Variants in RPS6KC1 observed in about 807,000 individuals in gnomAD.
RPS6KC1 encodes the protein ribosomal protein S6 kinase C1.
A neutral mutation model predicts 103.8 loss-of-function variants in RPS6KC1; 54 were observed. The observed-to-expected ratio is 0.52, with a 90% confidence interval of 0.42 to 0.65. The LOEUF is 0.65. Ranked by LOEUF, RPS6KC1 falls within the 30% of genes least tolerant of loss-of-function variation. The pLI, the probability that RPS6KC1 is intolerant of heterozygous loss-of-function variation, is 0.00. For missense variants in RPS6KC1, 1,151 were observed against 1,253.8 expected (o/e 0.92, Z 1.24); for synonymous variants, 439 against 438.7 (o/e 1.00, Z -0.01).
the RPS6KC1 span, among the ~76,000 whole-genome samples, chr1:213,569,893 G>A: frequency 6.6e-6 from 1 of 152,180 alleles, no homozygotes; most frequent in Non-Finnish European, 1.5e-5. Context: ...CTGCCTCAAG[G>A]AGATCAAAGA....
chr1:213,167,491 A>ACAC (rs1558462702), intron 6 of RPS6KC1, among the ~76,000 whole-genome samples: 14 of 70,612 alleles, frequency 2.0e-4, no homozygotes, highest in South Asian at 6.0e-4. Context: ...CACACACACA[A>ACAC]CAGCTGTTGC....
chr1:213,167,439 A>AACACACACAC (rs199762137), intron 6 of RPS6KC1, among the ~76,000 whole-genome samples: 808 of 75,952 alleles, frequency 0.011, 17 homozygotes, highest in Admixed American at 0.022. Context: ...CAAGGTTGAA[A>AACACACACAC]ACACACACAC....
At chr1:213,595,797 A>G in the RPS6KC1 span, among the ~76,000 whole-genome samples, 489 of 152,318 alleles carry the variant, frequency 3.2e-3, 6 homozygotes, top group South Asian at 0.017. Flanking sequence ...GCTAATTTTG[A>G]TCTACCAAAA....
At chr1:213,292,454 G>T in the RPS6KC1 span, among the ~76,000 whole-genome samples, 1 of 152,080 alleles carries the variant, frequency 6.6e-6, no homozygotes, top group African/African-American at 2.4e-5. Context: ...TCATCACTAA[G>T]AAAATCCAGT....
chr1:213,711,782 T>G, the RPS6KC1 span, among the ~76,000 whole-genome samples: 1 of 152,200 alleles, frequency 6.6e-6, no homozygotes, highest in African/African-American at 2.4e-5. Context: ...CTTCTGCAGG[T>G]CTGCTGGTGT....
the RPS6KC1 span, among the ~76,000 whole-genome samples, chr1:213,725,790 T>C: frequency 6.6e-6 from 1 of 152,236 alleles, no homozygotes; most frequent in Non-Finnish European, 1.5e-5. Context: ...CTGTAGTTCA[T>C]ATCCTTTGTT....
the RPS6KC1 span, among the ~76,000 whole-genome samples, chr1:213,459,833 A>C: frequency 6.6e-6 from 1 of 152,108 alleles, no homozygotes; most frequent in Non-Finnish European, 1.5e-5. Flanking sequence ...TTCTGCCTTC[A>C]TTTTGTGATT....
chr1:213,712,101 A>G, the RPS6KC1 span, among the ~76,000 whole-genome samples: 1 of 152,238 alleles, frequency 6.6e-6, no homozygotes, highest in African/African-American at 2.4e-5. Flanking sequence ...ACGTGTACTG[A>G]AACTGCGCCC....
intron 6 of RPS6KC1, among the ~76,000 whole-genome samples, chr1:213,138,753 C>T (rs1414602619): frequency 6.6e-6 from 1 of 152,088 alleles, no homozygotes; most frequent in Non-Finnish European, 1.5e-5. Flanking sequence ...TTATCCAGTT[C>T]ACCGTTGATG....
the RPS6KC1 span, among the ~76,000 whole-genome samples, chr1:213,676,623 G>T: frequency 2.0e-5 from 3 of 152,166 alleles, no homozygotes; most frequent in Non-Finnish European, 4.4e-5. Context: ...ATTGCACCAA[G>T]TTACCTCTTC....
chr1:213,371,455 C>T, the RPS6KC1 span, among the ~76,000 whole-genome samples: 1 of 152,086 alleles, frequency 6.6e-6, no homozygotes, highest in Non-Finnish European at 1.5e-5. Context: ...TGGGTGTATA[C>T]CCAAAAGTGG....
At chr1:213,823,726 C>CCACACACACACACACACACACACACA in the RPS6KC1 span, among the ~76,000 whole-genome samples, 654 of 146,358 alleles carry the variant, frequency 4.5e-3, 1 homozygote, top group Non-Finnish European at 7.6e-3. Context: ...GCTATCACAG[C>CCACACACACACACACACACACACACA]CACACACACA....
chr1:213,591,232 A>G, the RPS6KC1 span, among the ~76,000 whole-genome samples: 1 of 152,046 alleles, frequency 6.6e-6, no homozygotes, highest in South Asian at 2.1e-4. Flanking sequence ...CTCTGCCCCT[A>G]CTCTGCAACA....
At chr1:213,759,862 C>T in the RPS6KC1 span, among the ~76,000 whole-genome samples, 4 of 152,236 alleles carry the variant, frequency 2.6e-5, no homozygotes, top group African/African-American at 9.6e-5. Context: ...AGCAAGCCCC[C>T]TCCTTCTCCC....
the RPS6KC1 span, among the ~76,000 whole-genome samples, chr1:213,491,932 T>A: frequency 6.6e-6 from 1 of 152,130 alleles, no homozygotes; most frequent in Admixed American, 6.5e-5. Flanking sequence ...AAACACTATA[T>A]ATAAACTGCA....
chr1:213,151,819 C>T (rs1281115746), intron 6 of RPS6KC1, among the ~76,000 whole-genome samples: 35 of 124,066 alleles, frequency 2.8e-4, no homozygotes, highest in Admixed American at 3.8e-4. Flanking sequence ...GGCAGCTGGC[C>T]GGGCGAGGGG....
the RPS6KC1 span, among the ~76,000 whole-genome samples, chr1:213,510,469 A>C: frequency 6.6e-6 from 1 of 152,180 alleles, no homozygotes; most frequent in African/African-American, 2.4e-5. Context: ...CCCTAACTTC[A>C]TATTGTGAAA....
At chr1:213,609,988 GT>G in the RPS6KC1 span, among the ~76,000 whole-genome samples, 1 of 152,068 alleles carries the variant, frequency 6.6e-6, no homozygotes, top group East Asian at 1.9e-4. Context: ...ATATTTCTAA[GT>G]TGAGGAATAT....
At chr1:213,392,628 T>G in the RPS6KC1 span, among the ~76,000 whole-genome samples, 4 of 152,198 alleles carry the variant, frequency 2.6e-5, no homozygotes, top group African/African-American at 9.7e-5. Context: ...TTATGCATCT[T>G]TGTATTTATT....
Sources: allele counts gnomAD v4.1 joint callset (sites outside exome capture counted in the v4.1 genomes callset), GRCh38; gene constraint gnomAD v4.1.1; transcripts MANE v1.5; gene names NCBI Gene and HGNC (gene_info 2026-07-23, HGNC 2026-07-21).